Variants in BAMBI observed in about 807,000 individuals in gnomAD.
BAMBI encodes BMP and activin membrane-bound inhibitor homolog.
BAMBI carries 21 observed loss-of-function variants against 24.1 expected under a neutral mutation model. The observed-to-expected ratio is 0.87, with a 90% CI of 0.62 to 1.26. The LOEUF (loss-of-function observed/expected upper bound fraction) is 1.26, where lower values mean the gene tolerates loss of function less well. Among genes scored for constraint, BAMBI ranks in the 50% most tolerant of loss-of-function variants. BAMBI has a pLI of 0.00. For synonymous variants in BAMBI, 156 were observed against 123.1 expected (o/e 1.27, Z -1.77); for missense variants, 388 against 329.1 (o/e 1.18, Z -1.38).
chr10:28,679,981 C>T (rs913056099), intron 1 of BAMBI, among the ~76,000 whole-genome samples: 1 of 152,108 alleles, frequency 6.6e-6, no homozygotes, highest in Admixed American at 6.6e-5. Flanking sequence ...TCCTTAGAAC[C>T]GAAGCATTAG....
intron 1 of BAMBI, among the ~76,000 whole-genome samples, chr10:28,679,720 TTAAATC>T (rs1488074249): frequency 1.3e-5 from 2 of 152,230 alleles, no homozygotes; most frequent in African/African-American, 4.8e-5. Context: ...TATTTATACT[TTAAATC>T]TATATATGGA....
chr10:28,678,060 C>T lies in BAMBI; in HGVS notation c.76+87C>T, dbSNP rs1363693523. ...CTGCAGAGGCTTTGTTAGCGGCAGG[C>T]GAGGCTCCCTCCTGCGCCGGAGCCG... On this transcript the variant is annotated intron_variant, in intron 1 of 2. Transcript: ENST00000375533. 5 of 1,234,086 alleles carry T rather than the reference C, an allele frequency of 4.1e-6. No homozygotes were observed. The South Asian group carries it at 4.3e-5, about 11-fold the overall frequency. The allele number at this position is 1,234,086 out of a possible 1,614,324, so 76.4% of individuals were successfully genotyped here.
At chr10:28,679,920 AGCTTTG>A (rs1291267881) in intron 1 of BAMBI, among the ~76,000 whole-genome samples, 1 of 152,168 alleles carries the variant, frequency 6.6e-6, no homozygotes, top group East Asian at 1.9e-4. Flanking sequence ...CAAGACCCCT[AGCTTTG>A]GACTGTTAAG....
At position 28,682,156 on chromosome 10, in the gene BAMBI, AATAAGAGGCTGCAGG is replaced by A. The variant is rs1564439650; in HGVS notation, c.541_555del (p.Lys181_Asp185del). The A allele has an allele frequency of 6.2e-7, 1 of 1,614,136 alleles. No individual in the cohort carries two copies. Among genetic ancestry groups the A allele is most frequent in the Admixed American group, 1.7e-5 (1 of 60,012 alleles). On this transcript the variant is annotated inframe_deletion, in exon 3 of 3. Transcript: ENST00000375533. ...GGCCCTGAGGATGCTTCGAAGTGAA[AATAAGAGGCTGCAGG>A]ATCAGCGGCAACAGATGCTCTCCCG...
intron 1 of BAMBI, 130 bp from the exon 2 acceptor site, chr10:28,681,128 G>C (rs1369231707): frequency 1.3e-5 from 12 of 924,174 alleles, no homozygotes; most frequent in Non-Finnish European, 1.6e-5. Context: ...TCCAGGCTCT[G>C]TAGACTGGAG....
intron 1 of BAMBI, among the ~76,000 whole-genome samples, chr10:28,679,243 A>G (rs1282630914): frequency 6.6e-6 from 1 of 152,204 alleles, no homozygotes; most frequent in Non-Finnish European, 1.5e-5. Context: ...TGATAATGAT[A>G]TAATTAGGGG....
At position 28,682,194 on chromosome 10, in the gene BAMBI, C is replaced by G. The variant is rs759754106; in HGVS notation, c.576C>G (p.Ser192=). 1 of 1,614,166 alleles carries G rather than the reference C, an allele frequency of 6.2e-7. No homozygotes were observed. The highest frequency in any genetic ancestry group is 1.1e-5 in the South Asian group (1 of 91,080). The change falls in exon 3 of 3, where the codon TCC becomes TCG. Residue 192 remains serine (S), a synonymous_variant. Coordinates refer to ENST00000375533, the MANE Select transcript of BAMBI (RefSeq NM_012342.3). ...AGGATCAGCGGCAACAGATGCTCTC[C>G]CGTTTGCACTACAGCTTTCACGGAC... The part of the protein sequence containing the change: ...RLQDQRQQML[S]RLHYSFHGHH...
intron 1 of BAMBI, among the ~76,000 whole-genome samples, chr10:28,679,726 C>T (rs945404295): frequency 6.6e-6 from 1 of 152,208 alleles, no homozygotes; most frequent in East Asian, 1.9e-4. Flanking sequence ...TACTTTAAAT[C>T]TATATATGGA....
rs1269252482 is a variant in BAMBI at position 28,677,811 on chromosome 10, A to C, written c.-87A>C. 1.0e-5 allele frequency: 11 copies of C among 1,095,210 alleles called. No individual in the cohort carries two copies. In the South Asian group the frequency reaches 2.0e-4, roughly 20 times the overall value. 67.8% of individuals were successfully genotyped at this position (1,095,210 alleles called of 1,614,324 possible). ...GCGCCCGCCGCTCCGGGCAGGGCCCATGCCCTGCGCGCTCCGGGGGTCGTA... is the reference window on the plus strand; with the variant it reads ...GCGCCCGCCGCTCCGGGCAGGGCCCCTGCCCTGCGCGCTCCGGGGGTCGTA... On this transcript the variant is annotated 5_prime_UTR_variant, in exon 1 of 3. The change abolishes an upstream ATG in the 5' untranslated region. Transcript: ENST00000375533.
chr10:28,678,527 C>CT (rs1254882510), intron 1 of BAMBI, among the ~76,000 whole-genome samples: 1 of 152,068 alleles, frequency 6.6e-6, no homozygotes, highest in Non-Finnish European at 1.5e-5. Flanking sequence ...CTTTCTGAGT[C>CT]TTTGTGTCTC....
chr10:28,677,814 C>T lies in BAMBI; in HGVS notation c.-84C>T. On this transcript the variant is annotated 5_prime_UTR_variant, in exon 1 of 3. Transcript: ENST00000375533. ...CCCGCCGCTCCGGGCAGGGCCCATG[C>T]CCTGCGCGCTCCGGGGGTCGTAGGC... The T allele has an allele frequency of 2.6e-6, 3 of 1,152,836 alleles. No individual in the cohort carries two copies. Among genetic ancestry groups the T allele is most frequent in the Non-Finnish European group, 2.3e-6 (2 of 869,370 alleles). The allele number at this position is 1,152,836 out of a possible 1,614,324, so 71.4% of individuals were successfully genotyped here.
rs748634523 is a variant in BAMBI, at chr10:28,682,029, C to G, written c.411C>G (p.Thr137=). 12 of 1,613,998 alleles carry G rather than the reference C, an allele frequency of 7.4e-6. No individual in the cohort carries two copies. Among genetic ancestry groups the G allele is most frequent in the Admixed American group, 1.7e-5 (1 of 59,988 alleles). Residue 137 remains threonine (T), a synonymous_variant, in exon 3 of 3, where the codon ACC becomes ACG. Transcript: ENST00000375533. The part of the protein sequence containing the change: ...YQHDGSRNLI[T]KVQELTSSKE... ...ATGATGGTAGCAGAAACCTTATCAC[C>G]AAGGTGCAGGAGCTGACTTCTTCCA...
chr10:28,682,091 C>A lies in BAMBI; in HGVS notation c.473C>A (p.Pro158His). 1 of 1,614,108 alleles carries A rather than the reference C, an allele frequency of 6.2e-7. No homozygotes were observed. The highest frequency in any genetic ancestry group is 8.5e-7 in the Non-Finnish European group (1 of 1,180,022). The change falls in exon 3 of 3, where the codon CCC becomes CAC. Residue 158 changes from proline (P) to histidine (H), a missense_variant. Pro to His is a moderately conservative substitution (Grantham distance 77). Transcript: ENST00000375533. The part of the protein sequence containing the change: ...LWFRAAVIAV[P>H]IAGGLILVLL... ...TTCCGGGCAGCGGTCATTGCCGTGC[C>A]CATTGCTGGAGGGCTGATTTTAGTG...
rs1259381852 is a variant in BAMBI, at chr10:28,678,067, C to G, written c.76+94C>G. ...GGCTTTGTTAGCGGCAGGCGAGGCT[C>G]CCTCCTGCGCCGGAGCCGCAGGTCG... On this transcript the variant is annotated intron_variant, in intron 1 of 2. Transcript: ENST00000375533. The G allele has an allele frequency of 3.5e-6, 4 of 1,143,084 alleles. No homozygotes were observed. The South Asian group carries it at 4.7e-5, about 13-fold the overall frequency. 70.8% of individuals were successfully genotyped at this position (1,143,084 alleles called of 1,614,324 possible).
In BAMBI at chr10:28,681,483, A is replaced by T; in HGVS notation, c.302A>T (p.Glu101Val). 4 of 1,614,166 alleles carry T rather than the reference A, an allele frequency of 2.5e-6. No homozygotes were observed. Among genetic ancestry groups the T allele is most frequent in the Non-Finnish European group, 3.4e-6 (4 of 1,180,024 alleles). ...ATACCCACATTGGAATGCTGTCATG[A>T]AGACATGTGCAATTACAGAGGGCTG... ...TTIPTLECCH[E>V]DMCNYRGLHD... Residue 101 changes from glutamate to valine, a missense_variant, in exon 2 of 3, where the codon GAA (glutamate) becomes GTA (valine). Physicochemically the swap from Glu to Val is moderately radical, Grantham distance 121 (BLOSUM62 -2). Coordinates refer to ENST00000375533, the MANE Select transcript of BAMBI (RefSeq NM_012342.3).
intron 1 of BAMBI, among the ~76,000 whole-genome samples, chr10:28,679,358 A>G (rs1021428728): frequency 2.0e-5 from 3 of 152,332 alleles, no homozygotes; most frequent in Non-Finnish European, 4.4e-5. Context: ...TAATCACTAC[A>G]TACAGTAACG....
At position 28,677,866 on chromosome 10, in the gene BAMBI, C is replaced by T. The variant is rs1016519211; in HGVS notation, c.-32C>T. 4.0e-6 allele frequency: 6 copies of T among 1,483,516 alleles called. No homozygotes were observed. The East Asian group carries it at 1.1e-4, about 27-fold the overall frequency. The allele number at this position is 1,483,516 out of a possible 1,614,324, so 91.9% of individuals were successfully genotyped here. A position where few individuals can be genotyped will look rare whatever the true frequency, so the allele number is the denominator to read the frequency against. The stretch of plus-strand genomic sequence containing the variant: ...GCCGCCGAGCCGGGGCTCCGGAAGC[C>T]GGCGGGGGCGCCGCGGCCGTGCGGG... On this transcript the variant is annotated 5_prime_UTR_variant, in exon 1 of 3. Coordinates refer to ENST00000375533, the MANE Select transcript of BAMBI (RefSeq NM_012342.3).
At position 28,681,520 on chromosome 10, in the gene BAMBI, C is replaced by G; in HGVS notation, c.339C>G (p.Leu113=). The change falls in exon 2 of 3, where the codon CTC becomes CTG. Residue 113 remains leucine, a synonymous_variant. Coordinates refer to ENST00000375533, the MANE Select transcript of BAMBI (RefSeq NM_012342.3). ...MCNYRGLHDV[L]SPPRGEASGQ... ...ATTACAGAGGGCTGCACGATGTTCT[C>G]TCTCCTCCCAGGGGTGAGGCCTCAG... 1 of 1,614,146 alleles carries G rather than the reference C, an allele frequency of 6.2e-7. No individual in the cohort carries two copies. The highest frequency in any genetic ancestry group is 1.1e-5 in the South Asian group (1 of 91,084).
At chr10:28,679,176 G>A (rs979667399) in intron 1 of BAMBI, among the ~76,000 whole-genome samples, 1 of 152,186 alleles carries the variant, frequency 6.6e-6, no homozygotes. Flanking sequence ...TCAAAGGCGG[G>A]CAGAACAGGG....
Sources: gnomAD v4.1 joint callset for allele counts (sites outside exome capture counted in the v4.1 genomes callset) on GRCh38, gnomAD v4.1.1 for gene constraint, MANE v1.5 for transcripts, NCBI Gene and HGNC (gene_info 2026-07-23, HGNC 2026-07-21) for gene names.